BMERB1: variants seen among roughly 807,000 people sequenced by gnomAD.
BMERB1 encodes the protein bMERB domain containing 1.
BMERB1 carries 12 observed loss-of-function variants against 23.6 expected under a neutral mutation model. The observed-to-expected ratio is 0.51, with a 90% confidence interval of 0.33 to 0.82. The LOEUF (loss-of-function observed/expected upper bound fraction) is 0.82, where lower values mean the gene tolerates loss of function less well. Ranked by LOEUF, BMERB1 falls within the 40% of genes least tolerant of loss-of-function variation. BMERB1 has a pLI of 0.03. For missense variants in BMERB1, 247 were observed against 255.4 expected (o/e 0.97, Z 0.22); for synonymous variants, 122 against 96.6 (o/e 1.26, Z -1.54).
Position 15,434,643 on chromosome 16 carries a change from G to C in BMERB1, c.-11G>C, listed in dbSNP as rs770129235. The C allele has an allele frequency of 1.2e-6, 2 of 1,612,584 alleles. No individual in the cohort carries two copies. Among genetic ancestry groups the C allele is most frequent in the African/African-American group, 1.3e-5 (1 of 74,924 alleles). On this transcript the variant is annotated 5_prime_UTR_variant, in exon 1 of 6. Transcript: ENST00000300006. ...AAGGGAGACCCGTCGACCTGGCCAC[G>C]GGGATCAGCGATGGAATTAAAGCAA...
chr16:15,515,264 C>T, intron 1 of BMERB1, 41 bp from the exon 2 acceptor site: 5 of 1,611,812 alleles, frequency 3.1e-6, no homozygotes, highest in Non-Finnish European at 4.2e-6. Flanking sequence ...CATGGTGCAG[C>T]CTTGGGGTCC....
intron 1 of BMERB1, among the ~76,000 whole-genome samples, chr16:15,480,011 T>A (rs1262668175): frequency 1.4e-5 from 2 of 147,090 alleles, no homozygotes; most frequent in African/African-American, 2.5e-5. Flanking sequence ...TATATATATA[T>A]AATATATATA....
At chr16:15,555,863 C>A (rs1466804445) in intron 2 of BMERB1, among the ~76,000 whole-genome samples, 2 of 151,842 alleles carry the variant, frequency 1.3e-5, no homozygotes, top group African/African-American at 2.4e-5. Context: ...CATCTTGGAA[C>A]CATTTGATTT....
chr16:15,485,318 C>G lies in BMERB1; in HGVS notation c.107-29987C>G, dbSNP rs1268176849. ...TTCAAAGTTCACTAGGCTTAGGGAG[C>G]TGGGCTCAGAGGCCAGAGGCCTGAT... On this transcript the variant is annotated intron_variant, in intron 1 of 5. Coordinates refer to ENST00000300006, the MANE Select transcript of BMERB1 (RefSeq NM_033201.3). Among the ~76,000 whole-genome samples, 4 of 152,172 alleles carry G rather than the reference C, an allele frequency of 2.6e-5. No homozygotes were observed. The East Asian group carries it at 5.8e-4, about 22-fold the overall frequency.
chr16:15,566,689 T>A (rs887468350), intron 2 of BMERB1, among the ~76,000 whole-genome samples: 3 of 151,556 alleles, frequency 2.0e-5, no homozygotes, highest in Admixed American at 1.3e-4. Context: ...AAAATAAATT[T>A]AAAAAATAAA....
At chr16:15,505,938 CAG>C (rs1252834884) in intron 1 of BMERB1, among the ~76,000 whole-genome samples, 1 of 150,148 alleles carries the variant, frequency 6.7e-6, no homozygotes, top group Non-Finnish European at 1.5e-5. Context: ...TGGTATATGA[CAG>C]AGTACAGAAT....
chr16:15,581,124 C>T, intron 3 of BMERB1, 93 bp from the exon 4 acceptor site: 1 of 855,562 alleles, frequency 1.2e-6, no homozygotes, highest in Non-Finnish European at 1.8e-6. Context: ...ACCATGTTGA[C>T]CAGGCTGGTC....
chr16:15,448,135 C>T (rs2051006702), intron 1 of BMERB1: 2 of 316,258 alleles, frequency 6.3e-6, no homozygotes, highest in African/African-American at 4.5e-5. Flanking sequence ...GGTGATCTGC[C>T]TGCCTTGGCC....
At chr16:15,465,357 T>A (rs917683927) in intron 1 of BMERB1, among the ~76,000 whole-genome samples, 140 of 138,066 alleles carry the variant, frequency 1.0e-3, no homozygotes, top group Middle Eastern at 3.6e-3. Context: ...ATATATATTT[T>A]TTTTTTTTTT....
intron 1 of BMERB1, among the ~76,000 whole-genome samples, chr16:15,505,646 T>C (rs1002253792): frequency 6.6e-6 from 1 of 152,074 alleles, no homozygotes; most frequent in Admixed American, 6.5e-5. Context: ...TCCCAGCACT[T>C]TGGGAGGCCG....
At chr16:15,529,268 CGCCT>C (rs1388231607) in intron 2 of BMERB1, among the ~76,000 whole-genome samples, 1 of 152,064 alleles carries the variant, frequency 6.6e-6, no homozygotes. Context: ...CCTCGTGATC[CGCCT>C]GCCTCGGCCT....
intron 5 of BMERB1, chr16:15,583,998 C>T (rs1372750219): frequency 1.4e-6 from 1 of 702,226 alleles, no homozygotes; most frequent in South Asian, 1.5e-5. Flanking sequence ...GAGCTCTGGC[C>T]TCTCTTAGGT....
At chr16:15,564,822 C>A (rs558574922) in intron 2 of BMERB1, among the ~76,000 whole-genome samples, 2 of 152,164 alleles carry the variant, frequency 1.3e-5, no homozygotes, top group African/African-American at 4.8e-5. Flanking sequence ...GACCTGCTGC[C>A]ATAAATGTGT....
chr16:15,523,654 C>T (rs753366871), intron 2 of BMERB1, among the ~76,000 whole-genome samples: 13 of 152,166 alleles, frequency 8.5e-5, no homozygotes, highest in Non-Finnish European at 2.9e-5. Context: ...CCTGTTTCAG[C>T]CTCGGCTTCC....
intron 2 of BMERB1, among the ~76,000 whole-genome samples, chr16:15,566,469 G>A (rs34072053): frequency 0.12 from 17,708 of 152,164 alleles, 1,296 homozygotes; most frequent in East Asian, 0.2. Context: ...ATGAATAGGG[G>A]AATAGTTAAA....
intron 2 of BMERB1, among the ~76,000 whole-genome samples, chr16:15,522,954 T>G (rs1025650131): frequency 1.3e-5 from 2 of 152,166 alleles, no homozygotes; most frequent in African/African-American, 2.4e-5. Flanking sequence ...ACAGAGGGCT[T>G]TCTGTATCCT....
At chr16:15,531,347 GC>G (rs2051965227) in intron 2 of BMERB1, among the ~76,000 whole-genome samples, 1 of 152,074 alleles carries the variant, frequency 6.6e-6, no homozygotes. Context: ...TCCCGCCTAG[GC>G]CTCCTAAAGT....
rs1288867711 is a variant in BMERB1, at chr16:15,587,221, C to A, written c.*392C>A. On this transcript the variant is annotated 3_prime_UTR_variant, in exon 6 of 6. Transcript: ENST00000300006. ...GTCGTGACTTCTCAACAATCTAGCA[C>A]CATGTCGGACACGTTCCCCATCCAC... The A allele has an allele frequency of 4.3e-6, 1 of 230,462 alleles. No individual in the cohort carries two copies. The highest frequency in any genetic ancestry group is 5.3e-5 in the South Asian group (1 of 18,770). 14.3% of individuals were successfully genotyped at this position (230,462 alleles called of 1,614,324 possible).
intron 1 of BMERB1, among the ~76,000 whole-genome samples, chr16:15,515,056 T>G (rs989622542): frequency 6.6e-6 from 1 of 152,224 alleles, no homozygotes; most frequent in Non-Finnish European, 1.5e-5. Flanking sequence ...CACTCCAGCC[T>G]GGGCGACAGA....
Sources: gnomAD v4.1 joint callset for allele counts (sites outside exome capture counted in the v4.1 genomes callset) on GRCh38, gnomAD v4.1.1 for gene constraint, MANE v1.5 for transcripts, NCBI Gene and HGNC (gene_info 2026-07-23, HGNC 2026-07-21) for gene names.